The following ZSWIM9 variants were observed in gnomAD, a reference collection of about 807,000 sequenced individuals.
ZSWIM9 encodes zinc finger SWIM-type containing 9, also known as uncharacterized protein ZSWIM9.
ZSWIM9 carries 11 observed loss-of-function variants against 25.0 expected under a neutral mutation model. The observed-to-expected ratio is 0.44, with a 90% CI of 0.28 to 0.73. ZSWIM9 has a LOEUF of 0.73. Among genes scored for constraint, ZSWIM9 ranks in the 30% least tolerant of loss-of-function variants. The pLI is 0.16. For missense variants in ZSWIM9, 1,070 were observed against 1,296.5 expected (o/e 0.83, Z 2.68); for synonymous variants, 562 against 582.1 (o/e 0.97, Z 0.50).
chr19:48,191,730 G>A (rs116212945), intron 3 of ZSWIM9, among the ~76,000 whole-genome samples: 3,134 of 152,270 alleles, frequency 0.021, 111 homozygotes, highest in African/African-American at 0.069. Flanking sequence ...AAGGACACCC[G>A]TACATTCATC....
intron 2 of ZSWIM9, among the ~76,000 whole-genome samples, chr19:48,176,098 C>T (rs1459103597): frequency 6.6e-6 from 1 of 151,948 alleles, no homozygotes; most frequent in Non-Finnish European, 1.5e-5. Flanking sequence ...CCCAGCTACT[C>T]GGGAAGCTGA....
At chr19:48,171,632 T>C (rs1275404942) in intron 1 of ZSWIM9, among the ~76,000 whole-genome samples, 162 bp from the exon 2 acceptor site, 1 of 151,560 alleles carries the variant, frequency 6.6e-6, no homozygotes, top group African/African-American at 2.4e-5. Flanking sequence ...AGGATGGAGG[T>C]TGATATTTAT....
At chr19:48,175,908 TC>T (rs2036887958) in intron 2 of ZSWIM9, among the ~76,000 whole-genome samples, 2 of 152,072 alleles carry the variant, frequency 1.3e-5, no homozygotes, top group Admixed American at 1.3e-4. Flanking sequence ...ACCTGAACGA[TC>T]AAGAATAAAT....
intron 3 of ZSWIM9, among the ~76,000 whole-genome samples, chr19:48,190,040 T>G (rs544046791): frequency 9.2e-5 from 14 of 151,818 alleles, no homozygotes; most frequent in Non-Finnish European, 1.8e-4. Context: ...CCGTCTCTAC[T>G]AAAAATACAT....
At chr19:48,178,407 TGGG>T (rs950299154) in intron 2 of ZSWIM9, among the ~76,000 whole-genome samples, 1 of 152,096 alleles carries the variant, frequency 6.6e-6, no homozygotes, top group African/African-American at 2.4e-5. Flanking sequence ...ATCACCCAGT[TGGG>T]GGGCCATTTG....
Position 48,195,483 on chromosome 19 carries a change from G to A in ZSWIM9, c.1419G>A (p.Glu473=), listed in dbSNP as rs891266354. ...QGENERVRGL[E]TGDWGGAPKE... ...AGAACGAGAGGGTGAGGGGCCTGGA[G>A]ACAGGCGACTGGGGAGGGGCTCCGA... Residue 473 remains glutamate, a synonymous_variant, in exon 4 of 4, where the codon GAG becomes GAA. Transcript: ENST00000614654. This position sits in a 1 kb window ranked among gnomAD's most constrained non-coding sequence, Gnocchi z 5.8. 7.8e-6 allele frequency: 11 copies of A among 1,418,002 alleles called. No homozygotes were observed. The highest frequency in any genetic ancestry group is 1.5e-5 in the South Asian group (1 of 65,694). The allele number at this position is 1,418,002 out of a possible 1,614,324, so 87.8% of individuals were successfully genotyped here.
intron 3 of ZSWIM9, among the ~76,000 whole-genome samples, chr19:48,188,891 T>C (rs1037243451): frequency 6.7e-6 from 1 of 150,090 alleles, no homozygotes; most frequent in African/African-American, 2.5e-5. Context: ...ATTAGCCAGG[T>C]GTGGTGGCAG....
chr19:48,191,213 T>G (rs557883621), intron 3 of ZSWIM9, among the ~76,000 whole-genome samples: 1 of 151,984 alleles, frequency 6.6e-6, no homozygotes, highest in South Asian at 2.1e-4. Context: ...GTTTGTTTGT[T>G]TGTTTTTTTG....
Position 48,195,325 on chromosome 19 carries a change from C to A in ZSWIM9, c.1261C>A (p.Arg421Ser). ...ACTGCTGCGTCGTCTCAGCCCCTCG[C>A]GTGGCGTGGCGCAGTGCCTTCGCGA... Reference protein sequence around the residue: ...RRLLRRLSPSRGVAQCLRDLV... With the variant: ...RRLLRRLSPSSGVAQCLRDLV... The change falls in exon 4 of 4, where the codon CGT (arginine) becomes AGT (serine). Residue 421 changes from arginine (R) to serine (S), a missense_variant. This residue lies in a region of ZSWIM9 where 184 missense variants were observed against 243.1 expected (regional missense o/e 0.76). Coordinates refer to ENST00000614654, the MANE Select transcript of ZSWIM9 (RefSeq NM_199341.4). This position sits in a 1 kb window ranked among gnomAD's most constrained non-coding sequence, Gnocchi z 5.8. 1 of 1,530,158 alleles carries A rather than the reference C, an allele frequency of 6.5e-7. No individual in the cohort carries two copies. The highest frequency in any genetic ancestry group is 8.7e-7 in the Non-Finnish European group (1 of 1,144,720). 94.8% of individuals were successfully genotyped at this position (1,530,158 alleles called of 1,614,324 possible). A position where few individuals can be genotyped will look rare whatever the true frequency, so the allele number is the denominator to read the frequency against.
Position 48,196,824 on chromosome 19 carries a change from C to T in ZSWIM9, c.2760C>T (p.Pro920=), listed in dbSNP as rs1248771770. ...LRDCWGRAPE[P] ...ATTGCTGGGGGAGAGCCCCAGAGCCCTGACCCTTCATGCCTCTGCCCACCA... is the reference window on the plus strand; with the variant it reads ...ATTGCTGGGGGAGAGCCCCAGAGCCTTGACCCTTCATGCCTCTGCCCACCA... The change falls in exon 4 of 4, where the codon CCC becomes CCT. Residue 920 remains proline (P), a synonymous_variant. Transcript: ENST00000614654. The T allele has an allele frequency of 7.3e-6, 9 of 1,240,626 alleles. No homozygotes were observed. The African/African-American group carries it at 1.4e-4, about 19-fold the overall frequency. 76.9% of individuals were successfully genotyped at this position (1,240,626 alleles called of 1,614,324 possible). A position where few individuals can be genotyped will look rare whatever the true frequency, so the allele number is the denominator to read the frequency against.
At position 48,196,865 on chromosome 19, in the gene ZSWIM9, G is replaced by T; in HGVS notation, c.*38G>T. 1 of 1,251,780 alleles carries T rather than the reference G, an allele frequency of 8.0e-7. No homozygotes were observed. Among genetic ancestry groups the T allele is most frequent in the Non-Finnish European group, 1.0e-6 (1 of 999,972 alleles). The allele number at this position is 1,251,780 out of a possible 1,614,324, so 77.5% of individuals were successfully genotyped here. A position where few individuals can be genotyped will look rare whatever the true frequency, so the allele number is the denominator to read the frequency against. On this transcript the variant is annotated 3_prime_UTR_variant, in exon 4 of 4. Transcript: ENST00000614654. ...CTGCCCACCACCCTCCACCAGGAGG[G>T]TCGGAGGGCATTCTTCGATCCCAAA...
chr19:48,172,485 G>GT (rs1400231740), intron 2 of ZSWIM9, among the ~76,000 whole-genome samples: 3 of 151,750 alleles, frequency 2.0e-5, no homozygotes, highest in Non-Finnish European at 4.4e-5. Flanking sequence ...TTTTTGTGTG[G>GT]TTTTTTGTTT....
intron 3 of ZSWIM9, among the ~76,000 whole-genome samples, chr19:48,188,448 C>G (rs941074350): frequency 6.6e-6 from 1 of 151,892 alleles, no homozygotes; most frequent in East Asian, 2.0e-4. Flanking sequence ...AGAATGGTCT[C>G]GATCTCCTGG....
chr19:48,175,249 G>A (rs772707647), intron 2 of ZSWIM9, among the ~76,000 whole-genome samples: 4 of 152,162 alleles, frequency 2.6e-5, no homozygotes, highest in South Asian at 2.1e-4. Context: ...TGGAGGGGGC[G>A]AGGACAGGGC....
Position 48,194,908 on chromosome 19 carries a change from G to C in ZSWIM9, c.844G>C (p.Ala282Pro). The C allele has an allele frequency of 7.6e-7, 1 of 1,308,558 alleles. No individual in the cohort carries two copies. Among genetic ancestry groups the C allele is most frequent in the African/African-American group, 1.6e-5 (1 of 62,988 alleles). 81.1% of individuals were successfully genotyped at this position (1,308,558 alleles called of 1,614,324 possible). ...CGCGCTCGCGTCGCTGCTGCAGAGC[G>C]CGCCAGACGTCAAGGGCCGCGTGCG... The part of the protein sequence containing the change: ...RFALASLLQS[A>P]PDVKGRVRCL... Residue 282 changes from alanine (A) to proline (P), a missense_variant, in exon 4 of 4, where the codon GCG becomes CCG. Ala to Pro is a conservative substitution (Grantham distance 27). Coordinates refer to ENST00000614654, the MANE Select transcript of ZSWIM9 (RefSeq NM_199341.4). The surrounding 1 kb of genome is among the most constrained non-coding windows in gnomAD (Gnocchi z 6.0).
In ZSWIM9 at chr19:48,171,862, G is replaced by T. The variant is rs919677442; in HGVS notation, c.60G>T (p.Arg20=). The change falls in exon 2 of 4, where the codon CGG becomes CGT. Residue 20 remains arginine (R), a synonymous_variant. Coordinates refer to ENST00000614654, the MANE Select transcript of ZSWIM9 (RefSeq NM_199341.4). ...CGGGGCAGGAGGAGCAGGAGCTGCG[G>T]GAGCGGGCCTTCTTCTCGTGGGCCG... ...TAAGQEEQEL[R]ERAFFSWAEF... is the part of the protein sequence containing the mutation. The T allele has an allele frequency of 1.3e-6, 2 of 1,535,370 alleles. No homozygotes were observed. The highest frequency in any genetic ancestry group is 2.4e-5 in the South Asian group (2 of 84,008).
At chr19:48,187,465 A>ATATTATATATTATATTATAATATAT (rs2037031569) in intron 3 of ZSWIM9, among the ~76,000 whole-genome samples, 23 of 38,750 alleles carry the variant, frequency 5.9e-4, no homozygotes, top group Non-Finnish European at 1.0e-3. Context: ...TATTAATTAT[A>ATATTATATATTATATTATAATATAT]TATATTATAT....
chr19:48,183,219 C>G (rs2036973384), intron 3 of ZSWIM9: 3 of 153,572 alleles, frequency 2.0e-5, no homozygotes, highest in Admixed American at 1.3e-4. Context: ...ACCTCCGCCT[C>G]CCGGGTTCAA....
At chr19:48,183,836 G>GC (rs1223085371) in intron 3 of ZSWIM9, among the ~76,000 whole-genome samples, 1 of 150,978 alleles carries the variant, frequency 6.6e-6, no homozygotes, top group African/African-American at 2.4e-5. Flanking sequence ...TTTGGCGGGG[G>GC]GGGGTCTCCC....
Sources: allele counts gnomAD v4.1 joint callset (sites outside exome capture counted in the v4.1 genomes callset), GRCh38; gene constraint gnomAD v4.1.1; regional missense constraint gnomAD v4.1.1; non-coding constraint Gnocchi (gnomAD v3.1); transcripts MANE v1.5; gene names NCBI Gene and HGNC (gene_info 2026-07-23, HGNC 2026-07-21).